The following SEC63 variants were observed in gnomAD, a reference collection of about 807,000 sequenced individuals.
SEC63 encodes the protein SEC63 protein translocation regulator, also known as translocation protein SEC63 homolog.
Under a neutral mutation model 116.2 loss-of-function variants are expected in SEC63, and 56 were observed. The observed-to-expected ratio is 0.48, with a 90% confidence interval of 0.39 to 0.60. The LOEUF is 0.60. Among genes scored for constraint, SEC63 ranks in the 20% least tolerant of loss-of-function variants. The pLI is 0.00. For missense variants in SEC63, 668 were observed against 900.0 expected (o/e 0.74, Z 3.30); for synonymous variants, 273 against 294.6 (o/e 0.93, Z 0.75).
intron 17 of SEC63, among the ~76,000 whole-genome samples, chr6:107,881,669 T>C (rs1388446264): frequency 6.6e-6 from 1 of 152,170 alleles, no homozygotes; most frequent in Non-Finnish European, 1.5e-5. Context: ...TATGAACTCC[T>C]GAGTAAAGCC....
chr6:107,892,373 G>T (rs1786703388), intron 16 of SEC63, among the ~76,000 whole-genome samples: 1 of 152,172 alleles, frequency 6.6e-6, no homozygotes, highest in African/African-American at 2.4e-5. Context: ...GGTATAAGTG[G>T]TTCGTATCCC....
At chr6:107,952,443 A>C (rs1770599323) in intron 1 of SEC63, among the ~76,000 whole-genome samples, 1 of 151,440 alleles carries the variant, frequency 6.6e-6, no homozygotes, top group Non-Finnish European at 1.5e-5. Flanking sequence ...GAAAACACAC[A>C]AAAAAAAACC....
At chr6:107,896,622 C>T (rs1036881592) in intron 14 of SEC63, among the ~76,000 whole-genome samples, 11 of 152,086 alleles carry the variant, frequency 7.2e-5, no homozygotes, top group African/African-American at 2.4e-4. Context: ...AGACAGAAGA[C>T]GACACACAAC....
chr6:107,929,654 T>C, intron 1 of SEC63, 140 bp from the exon 2 acceptor site: 1 of 611,682 alleles, frequency 1.6e-6, no homozygotes, highest in Non-Finnish European at 2.9e-6. Flanking sequence ...AAATAGCCTT[T>C]AAAAAACTTA....
intron 1 of SEC63, among the ~76,000 whole-genome samples, chr6:107,952,479 C>T (rs929447898): frequency 4.0e-4 from 61 of 152,124 alleles, no homozygotes; most frequent in African/African-American, 1.4e-3. Context: ...TAAACTGGGC[C>T]GGGCACAGTG....
intron 2 of SEC63, among the ~76,000 whole-genome samples, chr6:107,925,630 C>T (rs896519035): frequency 6.6e-6 from 1 of 152,152 alleles, no homozygotes; most frequent in East Asian, 1.9e-4. Context: ...ATTACCAGCA[C>T]TGGAGAGGTT....
rs966166034 is a variant in SEC63, at chr6:107,867,785, A to G, written c.*3919T>C. 6.6e-6 allele frequency: 1 copy of G among 152,326 alleles called. No individual in the cohort carries two copies. The highest frequency in any genetic ancestry group is 1.9e-4 in the East Asian group (1 of 5,192). 9.4% of individuals were successfully genotyped at this position (152,326 alleles called of 1,614,324 possible). The stretch of plus-strand genomic sequence containing the variant: ...TGCACCAATAAATGTTTATTTATAA[A>G]TAATAGAAGTGTACAATTGTACAAT... On this transcript the variant is annotated 3_prime_UTR_variant, in exon 21 of 21. Coordinates refer to ENST00000369002, the MANE Select transcript of SEC63 (RefSeq NM_007214.5).
In SEC63 at chr6:107,938,292, G is replaced by T. The variant is rs530503753; in HGVS notation, c.125-8778C>A. 1.3e-3 allele frequency among the ~76,000 whole-genome samples: 173 copies of T among 137,680 alleles called. 2 individuals carry two copies. Among genetic ancestry groups the T allele is most frequent in the African/African-American group, 4.5e-3 (167 of 37,424 alleles). 90.3% of individuals were successfully genotyped at this position (137,680 alleles called of 152,430 possible). A position where few individuals can be genotyped will look rare whatever the true frequency, so the allele number is the denominator to read the frequency against. ...AGACAGGGTCTTGCTCTGTCACCAG[G>T]CTAGATAGACTACAGTGGTGCCATC... On this transcript the variant is annotated intron_variant, in intron 1 of 20. Transcript: ENST00000369002.
At chr6:107,926,893 C>T (rs1489377012) in intron 2 of SEC63, among the ~76,000 whole-genome samples, 9 of 152,182 alleles carry the variant, frequency 5.9e-5, no homozygotes, top group Non-Finnish European at 1.3e-4. Flanking sequence ...ATGAAAATTA[C>T]CACAACCAAT....
chr6:107,892,829 C>T (rs561252158), intron 16 of SEC63, among the ~76,000 whole-genome samples: 1 of 152,148 alleles, frequency 6.6e-6, no homozygotes, highest in South Asian at 2.1e-4. Context: ...ACTGGTAAAA[C>T]CAAGTGTTGG....
At position 107,958,201 on chromosome 6, in the gene SEC63, C is replaced by T; in HGVS notation, c.-192G>A. The T allele has an allele frequency of 1.3e-6, 1 of 781,950 alleles. No individual in the cohort carries two copies. Among genetic ancestry groups the T allele is most frequent in the South Asian group, 1.6e-5 (1 of 61,500 alleles). The allele number at this position is 781,950 out of a possible 1,614,324, so 48.4% of individuals were successfully genotyped here. A position where few individuals can be genotyped will look rare whatever the true frequency, so the allele number is the denominator to read the frequency against. ...CGCTGCCGCCGCCGTCGCCAGCTCT[C>T]GCGAGAGGAGATAGTTCCCGCCCCG... is the stretch of plus-strand genomic sequence containing the variant. On this transcript the variant is annotated 5_prime_UTR_variant, in exon 1 of 21. Coordinates refer to ENST00000369002, the MANE Select transcript of SEC63 (RefSeq NM_007214.5).
At chr6:107,952,561 C>T (rs557584674) in intron 1 of SEC63, among the ~76,000 whole-genome samples, 62 of 151,794 alleles carry the variant, frequency 4.1e-4, no homozygotes, top group African/African-American at 1.5e-3. Flanking sequence ...AGTTGGAAAC[C>T]AGCCTGGCCA....
At chr6:107,919,632 C>A (rs1235634896) in intron 4 of SEC63, among the ~76,000 whole-genome samples, 1 of 151,958 alleles carries the variant, frequency 6.6e-6, no homozygotes, top group Non-Finnish European at 1.5e-5. Flanking sequence ...ACCATCCTGG[C>A]TAACGTGGTG....
intron 1 of SEC63, among the ~76,000 whole-genome samples, chr6:107,935,487 T>C (rs1481518400): frequency 6.7e-6 from 1 of 149,896 alleles, no homozygotes; most frequent in Admixed American, 6.7e-5. Context: ...ATCGGTGACC[T>C]TACCCCCAAC....
In SEC63 at chr6:107,871,598, A is replaced by G. The variant is rs912611481; in HGVS notation, c.*106T>C. Reference sequence around the variant, plus strand: ...CCCATTTCAAGAGTAAAAAAACTACACCTCCCTCAACATCAGTTCTGTACT... The same window carrying G: ...CCCATTTCAAGAGTAAAAAAACTACGCCTCCCTCAACATCAGTTCTGTACT... On this transcript the variant is annotated 3_prime_UTR_variant, in exon 21 of 21. Transcript: ENST00000369002. The G allele has an allele frequency of 2.3e-5, 24 of 1,036,246 alleles. No homozygotes were observed. Among genetic ancestry groups the G allele is most frequent in the Non-Finnish European group, 3.6e-5 (24 of 666,356 alleles). The allele number at this position is 1,036,246 out of a possible 1,614,324, so 64.2% of individuals were successfully genotyped here. A position where few individuals can be genotyped will look rare whatever the true frequency, so the allele number is the denominator to read the frequency against.
At chr6:107,874,838 C>T (rs533069033) in intron 19 of SEC63, among the ~76,000 whole-genome samples, 103 of 152,120 alleles carry the variant, frequency 6.8e-4, no homozygotes, top group African/African-American at 2.4e-3. Context: ...TCACCACACC[C>T]AGCTACAATG....
intron 1 of SEC63, among the ~76,000 whole-genome samples, chr6:107,955,208 C>A (rs139686938): frequency 4.9e-4 from 74 of 152,292 alleles, no homozygotes; most frequent in Admixed American, 1.8e-3. Context: ...CACTGCATTG[C>A]TGGAGTGTGG....
intron 1 of SEC63, among the ~76,000 whole-genome samples, chr6:107,950,482 T>C (rs1326489625): frequency 6.6e-6 from 1 of 152,194 alleles, no homozygotes; most frequent in Non-Finnish European, 1.5e-5. Flanking sequence ...TGTTCAGAAG[T>C]GCCATGGGAC....
intron 1 of SEC63, among the ~76,000 whole-genome samples, chr6:107,956,351 T>C (rs1404674095): frequency 6.6e-6 from 1 of 152,182 alleles, no homozygotes; most frequent in African/African-American, 2.4e-5. Flanking sequence ...CCCTTTTAAC[T>C]TGAAATACAA....
Sources: allele counts gnomAD v4.1 joint callset (sites outside exome capture counted in the v4.1 genomes callset), GRCh38; gene constraint gnomAD v4.1.1; transcripts MANE v1.5; gene names NCBI Gene and HGNC (gene_info 2026-07-23, HGNC 2026-07-21).